EFCAB13: variants seen among roughly 807,000 people sequenced by gnomAD.
EFCAB13 encodes the protein EF-hand calcium binding domain 13.
Under a neutral mutation model 110.2 loss-of-function variants are expected in EFCAB13, and 91 were observed. The observed-to-expected ratio is 0.83, with a 90% CI of 0.70 to 0.98. The LOEUF (loss-of-function observed/expected upper bound fraction) is 0.98, where lower values mean the gene tolerates loss of function less well. EFCAB13 is among the 50% of genes least tolerant of loss of function. The probability of loss-of-function intolerance (pLI) is 0.00; values close to 1 mark genes in which losing one functional copy is unlikely to be tolerated. For missense variants in EFCAB13, 968 were observed against 1,119.4 expected, an observed-to-expected ratio of 0.86 and a Z score of 1.93; for synonymous variants, 323 against 369.9, an observed-to-expected ratio of 0.87 and a Z score of 1.45.
At chr17:47,353,013 T>C (rs1442780685) in intron 9 of EFCAB13, among the ~76,000 whole-genome samples, 1 of 152,188 alleles carries the variant, frequency 6.6e-6, no homozygotes, top group East Asian at 1.9e-4. Context: ...TAAGATTATA[T>C]CATCAACAAA....
chr17:47,364,533 G>A (rs1304887464), intron 10 of EFCAB13, among the ~76,000 whole-genome samples: 1 of 152,036 alleles, frequency 6.6e-6, no homozygotes, highest in Non-Finnish European at 1.5e-5. Flanking sequence ...GGATGGTCTC[G>A]ATCTCCTGAC....
intron 10 of EFCAB13, among the ~76,000 whole-genome samples, chr17:47,364,472 C>G (rs2065534626): frequency 6.6e-6 from 1 of 152,020 alleles, no homozygotes; most frequent in African/African-American, 2.4e-5. Flanking sequence ...GCCACCAAGC[C>G]CAGCTAATTT....
chr17:47,328,618 G>T (rs2065301584), intron 4 of EFCAB13, among the ~76,000 whole-genome samples: 1 of 152,118 alleles, frequency 6.6e-6, no homozygotes, highest in Admixed American at 6.5e-5. Context: ...GTATTTTGGT[G>T]GGGTACGGAC....
chr17:47,434,336 T>A (rs1426056237), intron 24 of EFCAB13, among the ~76,000 whole-genome samples: 4 of 151,838 alleles, frequency 2.6e-5, no homozygotes, highest in African/African-American at 4.8e-5. Flanking sequence ...AAATAAATAC[T>A]TAGGAATATA....
rs7214305 is a variant in EFCAB13, at chr17:47,359,492, G to A, written c.662-1886G>A. Among the ~76,000 whole-genome samples, 574 of 147,716 alleles carry A rather than the reference G, an allele frequency of 3.9e-3. 1 individual carries two copies. The highest frequency in any genetic ancestry group is 0.013 in the African/African-American group (540 of 40,504). On this transcript the variant is annotated intron_variant, in intron 9 of 24. Transcript: ENST00000331493. ...CTAGTCTGACTATAAATGATTTTCCGTCTGAAATTGATAATGGGAATTGTG... is the reference window on the plus strand; with the variant it reads ...CTAGTCTGACTATAAATGATTTTCCATCTGAAATTGATAATGGGAATTGTG...
chr17:47,380,839 A>T lies in EFCAB13; in HGVS notation c.1582+1586A>T, dbSNP rs573109990. Among the ~76,000 whole-genome samples the T allele has an allele frequency of 4.7e-5, 7 of 147,860 alleles. No individual in the cohort carries two copies. In the East Asian group the frequency reaches 1.4e-3, roughly 30 times the overall value. The stretch of plus-strand genomic sequence containing the variant: ...ATTTCTCTAATGACCAGTGATGATG[A>T]GCTTTCTTTTCATCTTTGTTGGCCG... On this transcript the variant is annotated intron_variant, in intron 14 of 24. Transcript: ENST00000331493.
intron 16 of EFCAB13, among the ~76,000 whole-genome samples, chr17:47,395,132 T>G (rs1380877168): frequency 6.6e-6 from 1 of 152,180 alleles, no homozygotes; most frequent in African/African-American, 2.4e-5. Context: ...CCCTAGACTG[T>G]CTTGCCTCCG....
chr17:47,326,097 G>A (rs982000000), intron 2 of EFCAB13, 129 bp from the exon 3 acceptor site: 16 of 151,550 alleles, frequency 1.1e-4, no homozygotes, highest in African/African-American at 3.4e-4. Context: ...AAAGGGATAC[G>A]ACTCCCTCCA....
intron 9 of EFCAB13, among the ~76,000 whole-genome samples, chr17:47,349,732 A>G (rs986146587): frequency 3.7e-5 from 5 of 134,720 alleles, no homozygotes; most frequent in Admixed American, 7.2e-5. Flanking sequence ...GATTTTTCAA[A>G]TTTCCTTAAA....
At chr17:47,438,218 T>C (rs191799784) in intron 24 of EFCAB13, among the ~76,000 whole-genome samples, 11 of 152,362 alleles carry the variant, frequency 7.2e-5, no homozygotes, top group African/African-American at 2.6e-4. Flanking sequence ...TTACGAGTCT[T>C]TCCTTCGTCT....
At chr17:47,341,778 G>A in intron 5 of EFCAB13, 143 bp from the exon 6 acceptor site, 1 of 574,140 alleles carries the variant, frequency 1.7e-6, no homozygotes, top group Non-Finnish European at 3.1e-6. Flanking sequence ...ATGGGATATA[G>A]ATGGAATAGG....
intron 6 of EFCAB13, among the ~76,000 whole-genome samples, chr17:47,343,689 T>C (rs1567782314): frequency 6.6e-6 from 1 of 152,186 alleles, no homozygotes; most frequent in Non-Finnish European, 1.5e-5. Context: ...CTTGCCTTTT[T>C]GGAATCATGT....
At chr17:47,410,005 C>T (rs928499074) in intron 21 of EFCAB13, among the ~76,000 whole-genome samples, 3 of 152,132 alleles carry the variant, frequency 2.0e-5, no homozygotes, top group East Asian at 1.9e-4. Context: ...CCTCCCACTA[C>T]AAGACTTTTG....
intron 4 of EFCAB13, among the ~76,000 whole-genome samples, chr17:47,332,585 A>G (rs1243318030): frequency 1.4e-5 from 2 of 141,160 alleles, no homozygotes; most frequent in Non-Finnish European, 3.1e-5. Flanking sequence ...TCCACCCCCC[A>G]GCCTCTGATA....
At chr17:47,436,247 G>A in intron 24 of EFCAB13, among the ~76,000 whole-genome samples, 1 of 152,038 alleles carries the variant, frequency 6.6e-6, no homozygotes, top group East Asian at 1.9e-4. Flanking sequence ...TTTTGGTTAT[G>A]TCCTTTCTTG....
intron 24 of EFCAB13, among the ~76,000 whole-genome samples, chr17:47,430,924 G>A (rs1905103818): frequency 6.6e-6 from 1 of 151,790 alleles, no homozygotes; most frequent in Admixed American, 6.6e-5. Flanking sequence ...TAGCCAAAAG[G>A]CTGATAAGTG....
At chr17:47,336,592 ATTT>A (rs66495523) in intron 5 of EFCAB13, among the ~76,000 whole-genome samples, 3,452 of 119,556 alleles carry the variant, frequency 0.029, 91 homozygotes, top group East Asian at 0.18. Flanking sequence ...CACCTGGCCA[ATTT>A]TTTTTTTTTT....
chr17:47,390,006 C>G (rs2065697465), intron 14 of EFCAB13, among the ~76,000 whole-genome samples: 1 of 152,128 alleles, frequency 6.6e-6, no homozygotes, highest in Non-Finnish European at 1.5e-5. Context: ...TAAGAATCAT[C>G]AAGTTCAGAC....
At chr17:47,379,296 A>G in intron 14 of EFCAB13, 43 bp downstream of exon 14, 1 of 1,480,710 alleles carries the variant, frequency 6.8e-7, no homozygotes, top group East Asian at 2.3e-5. Context: ...AGGGAAGAGC[A>G]GTGTGTTGAG....
Sources: allele counts gnomAD v4.1 joint callset (sites outside exome capture counted in the v4.1 genomes callset), GRCh38; gene constraint gnomAD v4.1.1; transcripts MANE v1.5; gene names NCBI Gene and HGNC (gene_info 2026-07-23, HGNC 2026-07-21).